The following TBC1D8 variants were observed in gnomAD, a reference collection of about 807,000 sequenced individuals.
TBC1D8 encodes the protein BUB2-like protein 1.
In TBC1D8, 65 loss-of-function variants were observed where a neutral mutation model predicts 118.8. The observed-to-expected ratio is 0.55, with a 90% CI of 0.45 to 0.67. The LOEUF is 0.67. Among genes scored for constraint, TBC1D8 ranks in the 30% least tolerant of loss-of-function variants. TBC1D8 has a pLI of 0.00. For missense variants in TBC1D8, 1,376 were observed against 1,471.2 expected (o/e 0.94, Z 1.06); for synonymous variants, 566 against 595.8 (o/e 0.95, Z 0.73).
intron 17 of TBC1D8, chr2:101,018,292 G>C (rs1055341680): frequency 1.1e-5 from 2 of 178,972 alleles, no homozygotes; most frequent in African/African-American, 4.7e-5. Context: ...ATCAGTATGT[G>C]TTAATATAAT....
intron 1 of TBC1D8, among the ~76,000 whole-genome samples, chr2:101,121,244 T>C (rs1001841927): frequency 5.3e-5 from 8 of 152,254 alleles, no homozygotes; most frequent in African/African-American, 1.9e-4. Context: ...ATAAGGTTGT[T>C]ATCAGCTGTG....
chr2:101,130,063 G>T (rs934238768), intron 1 of TBC1D8, among the ~76,000 whole-genome samples: 1 of 152,158 alleles, frequency 6.6e-6, no homozygotes, highest in Non-Finnish European at 1.5e-5. Flanking sequence ...CAGCAACGAC[G>T]TTCATCCAGC....
chr2:101,094,605 T>C (rs910169149), intron 1 of TBC1D8, among the ~76,000 whole-genome samples: 1 of 152,040 alleles, frequency 6.6e-6, no homozygotes, highest in African/African-American at 2.4e-5. Flanking sequence ...AATATGGAAG[T>C]AGTGACTTTT....
chr2:101,060,338 GC>G (rs1682687655), intron 2 of TBC1D8, among the ~76,000 whole-genome samples: 1 of 152,166 alleles, frequency 6.6e-6, no homozygotes, highest in Admixed American at 6.5e-5. Flanking sequence ...GCCAGGGACT[GC>G]CACTTGCACC....
chr2:101,078,315 A>G (rs1417844202), intron 2 of TBC1D8, among the ~76,000 whole-genome samples: 2 of 152,180 alleles, frequency 1.3e-5, no homozygotes, highest in Non-Finnish European at 2.9e-5. Flanking sequence ...TCTTGACTCA[A>G]AGAGACTTTA....
chr2:101,061,351 T>C (rs1052514847), intron 2 of TBC1D8, among the ~76,000 whole-genome samples: 2 of 152,072 alleles, frequency 1.3e-5, no homozygotes, highest in African/African-American at 4.8e-5. Flanking sequence ...TTGGAGTCCA[T>C]GAGAATGAAA....
At chr2:101,057,152 GCTCT>G (rs1375632023) in intron 3 of TBC1D8, among the ~76,000 whole-genome samples, 1 of 152,140 alleles carries the variant, frequency 6.6e-6, no homozygotes, top group Non-Finnish European at 1.5e-5. Flanking sequence ...CACCAAAAAG[GCTCT>G]CTGTCTTCCC....
intron 1 of TBC1D8, among the ~76,000 whole-genome samples, chr2:101,140,934 G>T (rs372099799): frequency 6.6e-6 from 1 of 152,004 alleles, no homozygotes; most frequent in East Asian, 1.9e-4. Context: ...GCTAATTTTT[G>T]TATTTTTAGT....
chr2:101,038,740 A>C, intron 6 of TBC1D8, 85 bp from the exon 7 acceptor site: 1 of 1,436,634 alleles, frequency 7.0e-7, no homozygotes. Flanking sequence ...CCCGAAACAG[A>C]GGGCAAGGCA....
intron 1 of TBC1D8, among the ~76,000 whole-genome samples, chr2:101,121,413 G>A (rs1231798226): frequency 6.6e-6 from 1 of 152,230 alleles, no homozygotes. Flanking sequence ...GGGGCTCAGG[G>A]AGGCTCTGTA....
At chr2:101,011,220 G>A (rs891457587) in intron 18 of TBC1D8, 194 bp from the exon 19 acceptor site, 23 of 689,180 alleles carry the variant, frequency 3.3e-5, no homozygotes, top group Non-Finnish European at 5.3e-5. Context: ...AAGAGGACCC[G>A]TGAAACAGCA....
At chr2:101,069,994 C>A (rs770975848) in intron 2 of TBC1D8, among the ~76,000 whole-genome samples, 1 of 151,456 alleles carries the variant, frequency 6.6e-6, no homozygotes, top group Non-Finnish European at 1.5e-5. Context: ...CGGCTCACTG[C>A]AACCTCCGCC....
intron 8 of TBC1D8, among the ~76,000 whole-genome samples, chr2:101,037,160 T>G (rs1228418215): frequency 1.3e-5 from 2 of 152,146 alleles, no homozygotes; most frequent in Non-Finnish European, 2.9e-5. Flanking sequence ...ACTAGAAGAC[T>G]GGTGACCTCT....
rs1469711296 is a variant in TBC1D8, at chr2:101,007,766, T to C, written c.*55A>G. 13 of 1,548,650 alleles carry C rather than the reference T, an allele frequency of 8.4e-6. No individual in the cohort carries two copies. Among genetic ancestry groups the C allele is most frequent in the Non-Finnish European group, 8.8e-6 (10 of 1,136,052 alleles). ...GTTTAGGGCTGACCCCAAGAAACAG[T>C]CTGGTTCGTGCTTTGGTATGGTGGA... On this transcript the variant is annotated 3_prime_UTR_variant, in exon 20 of 20. Coordinates refer to ENST00000409318, the MANE Select transcript of TBC1D8 (RefSeq NM_001330348.2).
At chr2:101,040,095 C>T in intron 6 of TBC1D8, 83 bp downstream of exon 6, 1 of 1,497,232 alleles carries the variant, frequency 6.7e-7, no homozygotes, top group Non-Finnish European at 9.1e-7. Flanking sequence ...AACTTCCCCT[C>T]CCACACTCCA....
chr2:101,072,357 C>CAGGAGAGAGAGAGA (rs920844741), intron 2 of TBC1D8, among the ~76,000 whole-genome samples: 1 of 151,526 alleles, frequency 6.6e-6, no homozygotes, highest in South Asian at 2.1e-4. Flanking sequence ...AGGAGAGGGG[C>CAGGAGAGAGAGAGA]AGGAGAGAGA....
intron 17 of TBC1D8, among the ~76,000 whole-genome samples, chr2:101,016,891 A>G (rs937431292): frequency 4.0e-5 from 6 of 151,476 alleles, no homozygotes; most frequent in Admixed American, 3.3e-4. Context: ...ACATGGACAC[A>G]TGAAGGGGAA....
At chr2:101,097,121 T>C (rs890336967) in intron 1 of TBC1D8, among the ~76,000 whole-genome samples, 20 of 152,154 alleles carry the variant, frequency 1.3e-4, no homozygotes, top group African/African-American at 4.8e-4. Context: ...TAAGAATTAC[T>C]GCAGACTTCT....
intron 10 of TBC1D8, chr2:101,032,727 T>C (rs1423646263): frequency 4.9e-6 from 1 of 204,830 alleles, no homozygotes; most frequent in Non-Finnish European, 9.8e-6. Context: ...ACAAACTTAA[T>C]TCGCTCACTG....
Sources: allele counts gnomAD v4.1 joint callset (sites outside exome capture counted in the v4.1 genomes callset), GRCh38; gene constraint gnomAD v4.1.1; transcripts MANE v1.5; gene names NCBI Gene and HGNC (gene_info 2026-07-23, HGNC 2026-07-21).